RIC1: variants seen among roughly 807,000 people sequenced by gnomAD.
RIC1 encodes the protein RIC1 partner of RAB6A GEF complex.
In RIC1, 88 loss-of-function variants were observed where a neutral mutation model predicts 169.0. The observed-to-expected ratio is 0.52, with a 90% confidence interval of 0.44 to 0.62. The LOEUF is 0.62. Ranked by LOEUF, RIC1 falls within the 20% of genes least tolerant of loss-of-function variation. The probability of loss-of-function intolerance (pLI) is 0.00; values close to 1 mark genes in which losing one functional copy is unlikely to be tolerated. For missense variants in RIC1, 1,877 were observed against 1,725.5 expected (o/e 1.09, Z -1.56); for synonymous variants, 790 against 601.5 (o/e 1.31, Z -4.59).
At chr9:5,647,215 G>A (rs988954106) in intron 1 of RIC1, among the ~76,000 whole-genome samples, 1 of 152,126 alleles carries the variant, frequency 6.6e-6, no homozygotes, top group Non-Finnish European at 1.5e-5. Context: ...GATTGCTGTA[G>A]TCTTCTAGTA....
chr9:5,739,708 C>T (rs143141512), intron 8 of RIC1, among the ~76,000 whole-genome samples: 2 of 152,214 alleles, frequency 1.3e-5, no homozygotes, highest in Admixed American at 1.3e-4. Context: ...GGGCTAATGG[C>T]AGCATGGGTC....
Position 5,773,952 on chromosome 9 carries a change from A to G in RIC1, c.3984-6A>G, listed in dbSNP as rs745827403. ...AGATGAGCTAATGTTTTTTTTCTCTACATAGTCCTGGATATAAGCCATTTT... is the reference window on the plus strand; with the variant it reads ...AGATGAGCTAATGTTTTTTTTCTCTGCATAGTCCTGGATATAAGCCATTTT... On this transcript the variant is annotated splice_region_variant and splice_polypyrimidine_tract_variant and intron_variant, in intron 25 of 25. Coordinates refer to ENST00000414202, the MANE Select transcript of RIC1 (RefSeq NM_020829.4). The G allele has an allele frequency of 1.9e-6, 3 of 1,577,664 alleles. No homozygotes were observed. Among genetic ancestry groups the G allele is most frequent in the Middle Eastern group, 1.7e-4 (1 of 5,852 alleles).
intron 2 of RIC1, among the ~76,000 whole-genome samples, chr9:5,658,118 T>C (rs758033212): frequency 6.6e-6 from 1 of 152,156 alleles, no homozygotes; most frequent in African/African-American, 2.4e-5. Context: ...TGTGACATTT[T>C]ATATTATTTT....
At chr9:5,647,713 T>A (rs1456457081) in intron 1 of RIC1, among the ~76,000 whole-genome samples, 10 of 152,324 alleles carry the variant, frequency 6.6e-5, no homozygotes, top group Non-Finnish European at 1.2e-4. Context: ...TACTTATTCA[T>A]TTCCAAGTTA....
chr9:5,685,672 C>A (rs1246260696), intron 2 of RIC1, among the ~76,000 whole-genome samples: 1 of 151,070 alleles, frequency 6.6e-6, no homozygotes, highest in African/African-American at 2.4e-5. Flanking sequence ...CCATAAAAAC[C>A]CTAGAAGAAA....
chr9:5,751,360 G>A (rs1453784579), intron 12 of RIC1, among the ~76,000 whole-genome samples: 4 of 151,674 alleles, frequency 2.6e-5, no homozygotes, highest in African/African-American at 9.7e-5. Context: ...CTTTTTGGGG[G>A]TCTGGGGGGC....
chr9:5,767,532 C>T (rs1300698631), intron 21 of RIC1, among the ~76,000 whole-genome samples: 1 of 151,542 alleles, frequency 6.6e-6, no homozygotes, highest in South Asian at 2.1e-4. Context: ...TTCTTACTAC[C>T]GTGCTTGGGC....
At chr9:5,716,416 C>T (rs1050466397) in intron 4 of RIC1, among the ~76,000 whole-genome samples, 1 of 152,044 alleles carries the variant, frequency 6.6e-6, no homozygotes, top group Admixed American at 6.6e-5. Flanking sequence ...AGTTTGAGAC[C>T]AGCCTAGCCA....
chr9:5,743,275 G>A (rs1013320611), intron 9 of RIC1, among the ~76,000 whole-genome samples: 1 of 152,116 alleles, frequency 6.6e-6, no homozygotes, highest in Non-Finnish European at 1.5e-5. Context: ...AGCAGAATCA[G>A]GCATGGTTCT....
intron 2 of RIC1, among the ~76,000 whole-genome samples, chr9:5,688,143 C>T (rs1354467257): frequency 1.3e-5 from 2 of 152,022 alleles, no homozygotes; most frequent in Non-Finnish European, 2.9e-5. Flanking sequence ...TTTTAATGTC[C>T]TTTTGTGCTA....
intron 1 of RIC1, among the ~76,000 whole-genome samples, chr9:5,637,677 T>C (rs572532739): frequency 6.3e-4 from 96 of 152,352 alleles, no homozygotes; most frequent in African/African-American, 2.2e-3. Flanking sequence ...ATTGTTTTGA[T>C]TTGTAGATCC....
At chr9:5,705,196 T>TTTG (rs903883404) in intron 3 of RIC1, among the ~76,000 whole-genome samples, 5 of 150,904 alleles carry the variant, frequency 3.3e-5, no homozygotes, top group African/African-American at 1.2e-4. Flanking sequence ...ATTTCTGTTT[T>TTTG]TTTTTTTTTT....
intron 2 of RIC1, among the ~76,000 whole-genome samples, chr9:5,658,024 A>G (rs1364616003): frequency 6.6e-6 from 1 of 152,120 alleles, no homozygotes; most frequent in Non-Finnish European, 1.5e-5. Context: ...TGGTGCTCTC[A>G]TTGCTTTGCT....
intron 4 of RIC1, among the ~76,000 whole-genome samples, chr9:5,719,869 C>G (rs1339147552): frequency 6.6e-6 from 1 of 152,102 alleles, no homozygotes; most frequent in Non-Finnish European, 1.5e-5. Flanking sequence ...TTTATGGTTT[C>G]TCTACCTCTT....
At chr9:5,732,088 A>C (rs995418387) in intron 6 of RIC1, among the ~76,000 whole-genome samples, 1 of 152,224 alleles carries the variant, frequency 6.6e-6, no homozygotes, top group South Asian at 2.1e-4. Flanking sequence ...CAAGAAAGTC[A>C]TCTTTATTTG....
intron 2 of RIC1, among the ~76,000 whole-genome samples, chr9:5,665,407 C>T (rs533895342): frequency 1.3e-5 from 2 of 152,148 alleles, no homozygotes; most frequent in South Asian, 2.1e-4. Flanking sequence ...CAGTGAAGTT[C>T]GTTGTTACCC....
intron 1 of RIC1, among the ~76,000 whole-genome samples, chr9:5,653,581 T>G (rs1413214491): frequency 6.9e-6 from 1 of 144,614 alleles, no homozygotes; most frequent in East Asian, 1.9e-4. Context: ...TCTCCATTTA[T>G]TTTTTTCTTT....
At chr9:5,750,503 G>C (rs1825657725) in intron 12 of RIC1, among the ~76,000 whole-genome samples, 1 of 151,848 alleles carries the variant, frequency 6.6e-6, no homozygotes, top group South Asian at 2.1e-4. Flanking sequence ...AGTGTACCAG[G>C]TATTTGGCAC....
At chr9:5,725,912 G>T (rs1823946504) in intron 6 of RIC1, among the ~76,000 whole-genome samples, 1 of 152,076 alleles carries the variant, frequency 6.6e-6, no homozygotes, top group South Asian at 2.1e-4. Flanking sequence ...ATTGCACTGT[G>T]GTCTGAGAGA....
Sources: allele counts gnomAD v4.1 joint callset (sites outside exome capture counted in the v4.1 genomes callset), GRCh38; gene constraint gnomAD v4.1.1; transcripts MANE v1.5; gene names NCBI Gene and HGNC (gene_info 2026-07-23, HGNC 2026-07-21).